The following PRICKLE1 variants were observed in gnomAD, a reference collection of about 807,000 sequenced individuals.
PRICKLE1 encodes the protein prickle planar cell polarity protein 1.
In PRICKLE1, 14 loss-of-function variants were observed where a neutral mutation model predicts 70.2. The observed-to-expected ratio is 0.20, with a 90% CI of 0.13 to 0.31. PRICKLE1 has a LOEUF of 0.31. Among genes scored for constraint, PRICKLE1 ranks in the 10% least tolerant of loss-of-function variants. The pLI is 1.00. For synonymous variants in PRICKLE1, 357 were observed against 379.9 expected, an observed-to-expected ratio of 0.94 and a Z score of 0.70; for missense variants, 821 against 1,026.2, an observed-to-expected ratio of 0.80 and a Z score of 2.73.
intron 1 of PRICKLE1, among the ~76,000 whole-genome samples, chr12:42,522,612 T>C (rs1939730969): frequency 6.6e-6 from 1 of 152,228 alleles, no homozygotes; most frequent in African/African-American, 2.4e-5. Flanking sequence ...CTGTGTACAT[T>C]GGCTGTGTGT....
chr12:42,483,639 G>A (rs1374836285), intron 1 of PRICKLE1: 2 of 151,780 alleles, frequency 1.3e-5, no homozygotes, highest in Non-Finnish European at 2.9e-5. Flanking sequence ...CCCCCGGGTC[G>A]CGTCCCGGTG....
chr12:42,522,116 T>C (rs1184527358), intron 1 of PRICKLE1, among the ~76,000 whole-genome samples: 1 of 152,012 alleles, frequency 6.6e-6, no homozygotes, highest in Admixed American at 6.6e-5. Flanking sequence ...GCTGGGATTA[T>C]AGGCACATGC....
At chr12:42,551,456 C>A (rs1185970264) in intron 1 of PRICKLE1, among the ~76,000 whole-genome samples, 3 of 152,162 alleles carry the variant, frequency 2.0e-5, no homozygotes, top group Non-Finnish European at 1.5e-5. Flanking sequence ...ATACTAACTG[C>A]AGTTCTGCTA....
chr12:42,541,038 T>C (rs1940103199), intron 1 of PRICKLE1, among the ~76,000 whole-genome samples: 1 of 152,184 alleles, frequency 6.6e-6, no homozygotes. Flanking sequence ...TTGGAATTGC[T>C]CTATAGCCCC....
At chr12:42,568,931 C>T (rs945516331) in intron 1 of PRICKLE1, among the ~76,000 whole-genome samples, 3 of 152,128 alleles carry the variant, frequency 2.0e-5, no homozygotes, top group Non-Finnish European at 4.4e-5. Flanking sequence ...AATCCATAAT[C>T]CATAGTCCCA....
intron 7 of PRICKLE1, among the ~76,000 whole-genome samples, chr12:42,463,361 T>C (rs1384616163): frequency 2.0e-5 from 3 of 151,900 alleles, no homozygotes; most frequent in Non-Finnish European, 4.4e-5. Context: ...AGAATCTAAA[T>C]AAAAAGTATT....
At chr12:42,536,799 C>G (rs534732479) in intron 1 of PRICKLE1, among the ~76,000 whole-genome samples, 68 of 152,286 alleles carry the variant, frequency 4.5e-4, no homozygotes, top group Admixed American at 2.7e-3. Flanking sequence ...TCTTGTCCAC[C>G]CTTTCATCTT....
intron 1 of PRICKLE1, among the ~76,000 whole-genome samples, chr12:42,552,875 A>G (rs1940341418): frequency 6.6e-6 from 1 of 152,166 alleles, no homozygotes; most frequent in African/African-American, 2.4e-5. Flanking sequence ...TCATCAGGCA[A>G]TAGATCCTCA....
intron 1 of PRICKLE1, chr12:42,489,752 T>C (rs1939061233): frequency 6.6e-6 from 1 of 151,974 alleles, no homozygotes; most frequent in African/African-American, 2.4e-5. Flanking sequence ...CCATGCTTTC[T>C]TCCTCCCAGT....
chr12:42,563,385 A>G (rs981630293), intron 1 of PRICKLE1, among the ~76,000 whole-genome samples: 1 of 151,756 alleles, frequency 6.6e-6, no homozygotes, highest in Admixed American at 6.6e-5. Flanking sequence ...TGAATGTTGC[A>G]CAATATTGGA....
chr12:42,460,449 A>G lies in PRICKLE1; in HGVS notation c.1856T>C (p.Leu619Pro), dbSNP rs761518408. 3 of 1,614,020 alleles carry G rather than the reference A, an allele frequency of 1.9e-6. No individual in the cohort carries two copies. Among genetic ancestry groups the G allele is most frequent in the Admixed American group, 1.7e-5 (1 of 60,018 alleles). The change falls in exon 8 of 8, where the codon CTC (leucine) becomes CCC (proline). Residue 619 changes from leucine (L) to proline (P), a missense_variant. By Grantham distance (98) the Leu-to-Pro change is moderately conservative. Transcript: ENST00000345127. ...TCTGGATTGAGACTTGGACCTTCTG[A>G]GCACTGGCAGATGTACTGGCTTCTC... is the stretch of plus-strand genomic sequence containing the variant. ...PEEKPVHLPV[L>P]RRSKSQSRPQ...
At chr12:42,584,511 T>C (rs1438132928) in intron 1 of PRICKLE1, 2 of 152,166 alleles carry the variant, frequency 1.3e-5, no homozygotes, top group Non-Finnish European at 2.9e-5. Context: ...TTATAGCACA[T>C]TAAGTGGTGG....
intron 1 of PRICKLE1, among the ~76,000 whole-genome samples, chr12:42,574,074 G>T (rs1023942472): frequency 1.3e-5 from 2 of 152,186 alleles, no homozygotes; most frequent in African/African-American, 4.8e-5. Context: ...ATGGGGTTAT[G>T]GTCACTGGCT....
At chr12:42,546,690 G>T (rs1270321221) in intron 1 of PRICKLE1, among the ~76,000 whole-genome samples, 1 of 152,180 alleles carries the variant, frequency 6.6e-6, no homozygotes, top group Admixed American at 6.5e-5. Flanking sequence ...AGAGGTGGTG[G>T]TTGCAGTGAG....
Position 42,472,332 on chromosome 12 carries a change from T to C in PRICKLE1, c.132+53A>G. On this transcript the variant is annotated intron_variant, in intron 2 of 7. Coordinates refer to ENST00000345127, the MANE Select transcript of PRICKLE1 (RefSeq NM_153026.3). ...CCATTTACAAAATAATGTTCTAAAGTCTGAACTCACACTGAAAAACAAAGA... is the reference window on the plus strand; with the variant it reads ...CCATTTACAAAATAATGTTCTAAAGCCTGAACTCACACTGAAAAACAAAGA... The C allele has an allele frequency of 6.9e-6, 11 of 1,603,228 alleles. No individual in the cohort carries two copies. The South Asian group carries it at 8.8e-5, about 13-fold the overall frequency.
At chr12:42,580,560 G>A (rs182281230) in intron 1 of PRICKLE1, among the ~76,000 whole-genome samples, 5 of 152,272 alleles carry the variant, frequency 3.3e-5, no homozygotes, top group East Asian at 3.9e-4. Context: ...TACTTTGTGC[G>A]AGAGGTGTTT....
At chr12:42,485,502 T>C (rs1217311356) in intron 1 of PRICKLE1, 1 of 152,216 alleles carries the variant, frequency 6.6e-6, no homozygotes, top group East Asian at 1.9e-4. Flanking sequence ...CCTCTGTGGA[T>C]CTGTAAAATT....
At chr12:42,527,915 TAATATA>T (rs1939833317) in intron 1 of PRICKLE1, among the ~76,000 whole-genome samples, 1 of 104,038 alleles carries the variant, frequency 9.6e-6, no homozygotes, top group Non-Finnish European at 1.9e-5. Context: ...ATACTCTTTA[TAATATA>T]TATATATATA....
chr12:42,543,743 G>A (rs550866223), intron 1 of PRICKLE1, among the ~76,000 whole-genome samples: 1 of 151,950 alleles, frequency 6.6e-6, no homozygotes, highest in South Asian at 2.1e-4. Flanking sequence ...GGATGGTCTC[G>A]ATCTCCTGAC....
Sources: allele counts gnomAD v4.1 joint callset (sites outside exome capture counted in the v4.1 genomes callset), GRCh38; gene constraint gnomAD v4.1.1; transcripts MANE v1.5; gene names NCBI Gene and HGNC (gene_info 2026-07-23, HGNC 2026-07-21).